ASTN2: variants seen among roughly 807,000 people sequenced by gnomAD.
ASTN2 encodes astrotactin-2.
ASTN2 carries 54 observed loss-of-function variants against 139.8 expected under a neutral mutation model. The observed-to-expected ratio is 0.39, with a 90% CI of 0.31 to 0.48. The LOEUF (loss-of-function observed/expected upper bound fraction) is 0.48, where lower values mean the gene tolerates loss of function less well. Ranked by LOEUF, ASTN2 falls within the 20% of genes least tolerant of loss-of-function variation. ASTN2 has a pLI of 0.95. For missense variants in ASTN2, 1,565 were observed against 1,725.1 expected, an observed-to-expected ratio of 0.91 and a Z score of 1.64; for synonymous variants, 756 against 719.5, an observed-to-expected ratio of 1.05 and a Z score of -0.81.
intron 7 of ASTN2, among the ~76,000 whole-genome samples, chr9:116,994,196 A>C (rs762965734): frequency 2.6e-5 from 4 of 152,312 alleles, no homozygotes; most frequent in Non-Finnish European, 5.9e-5. Context: ...TACAAGCCAT[A>C]GGGTTGTGAC....
intron 3 of ASTN2, among the ~76,000 whole-genome samples, chr9:117,206,629 A>C (rs554907985): frequency 6.6e-6 from 1 of 152,246 alleles, no homozygotes; most frequent in Middle Eastern, 3.4e-3. Flanking sequence ...TGAATGTCAC[A>C]AGCCCAGCTT....
chr9:117,386,397 T>C (rs909797375), intron 1 of ASTN2, among the ~76,000 whole-genome samples: 1 of 152,156 alleles, frequency 6.6e-6, no homozygotes, highest in East Asian at 1.9e-4. Context: ...CATGGATATG[T>C]ACCCATTCTG....
At chr9:116,491,335 A>T (rs1021785698) in intron 19 of ASTN2, among the ~76,000 whole-genome samples, 3 of 152,222 alleles carry the variant, frequency 2.0e-5, no homozygotes, top group Non-Finnish European at 4.4e-5. Context: ...TGCAGTTAAA[A>T]AGGAAGATAG....
At chr9:116,893,126 A>G (rs1253325402) in intron 10 of ASTN2, among the ~76,000 whole-genome samples, 2 of 151,654 alleles carry the variant, frequency 1.3e-5, no homozygotes, top group Non-Finnish European at 2.9e-5. Context: ...TGTTTTACTC[A>G]TTGAAGTGTT....
At chr9:116,665,918 G>C (rs932270300) in intron 16 of ASTN2, among the ~76,000 whole-genome samples, 11 of 152,140 alleles carry the variant, frequency 7.2e-5, no homozygotes, top group African/African-American at 2.7e-4. Context: ...GAGACTGCTA[G>C]GAGACAAACA....
chr9:116,963,536 A>T (rs759571852), intron 10 of ASTN2, among the ~76,000 whole-genome samples: 3 of 152,114 alleles, frequency 2.0e-5, no homozygotes, highest in Non-Finnish European at 4.4e-5. Context: ...CAGCGGTTGG[A>T]TTGGGGATGT....
At chr9:117,321,906 C>T (rs191541764) in intron 1 of ASTN2, among the ~76,000 whole-genome samples, 2 of 152,046 alleles carry the variant, frequency 1.3e-5, no homozygotes, top group Non-Finnish European at 2.9e-5. Context: ...GGTCAAATGT[C>T]CTTTAGGAGA....
At chr9:116,530,139 ATATATATATAT>A (rs1385873077) in intron 19 of ASTN2, among the ~76,000 whole-genome samples, 5 of 27,166 alleles carry the variant, frequency 1.8e-4, no homozygotes, top group East Asian at 6.3e-4. Context: ...ATATATATAT[ATATATATATAT>A]AAAATAGAAT....
intron 19 of ASTN2, among the ~76,000 whole-genome samples, chr9:116,567,808 C>T (rs1853311288): frequency 6.6e-6 from 1 of 152,084 alleles, no homozygotes; most frequent in Admixed American, 6.5e-5. Flanking sequence ...GTACTGCCTG[C>T]CAGGCTGTAT....
chr9:116,994,783 T>C (rs765507108), intron 7 of ASTN2, among the ~76,000 whole-genome samples: 1 of 152,188 alleles, frequency 6.6e-6, no homozygotes, highest in Non-Finnish European at 1.5e-5. Flanking sequence ...AGAGGAAGCC[T>C]TCCCTGATTG....
At position 117,214,463 on chromosome 9, in the gene ASTN2, G is replaced by T. The variant is rs554132287; in HGVS notation, c.910C>A (p.Arg304=). 4 of 1,614,156 alleles carry T rather than the reference G, an allele frequency of 2.5e-6. No individual in the cohort carries two copies. Among genetic ancestry groups the T allele is most frequent in the Admixed American group, 3.3e-5 (2 of 60,026 alleles). Reference sequence around the variant, plus strand: ...TCCTCGCGGGAGACATGGTTGGCCCGCCTAGGTGGCTCCTCATCCTCCTCA... The same window carrying T: ...TCCTCGCGGGAGACATGGTTGGCCCTCCTAGGTGGCTCCTCATCCTCCTCA... ...DCEEDEEPPR[R]ANHVSREDEF... is the part of the protein sequence containing the mutation. Residue 304 remains arginine (R), a synonymous_variant, in exon 3 of 23, where the codon CGG becomes AGG. Transcript: ENST00000313400.
At chr9:116,687,921 T>G (rs1827340812) in intron 16 of ASTN2, among the ~76,000 whole-genome samples, 1 of 147,760 alleles carries the variant, frequency 6.8e-6, no homozygotes, top group Admixed American at 6.8e-5. Context: ...ATTGAGGGGG[T>G]GGGGTGAGTT....
At chr9:117,336,248 A>G (rs1311069071) in intron 1 of ASTN2, among the ~76,000 whole-genome samples, 7 of 152,152 alleles carry the variant, frequency 4.6e-5, no homozygotes, top group African/African-American at 1.4e-4. Flanking sequence ...AAGAGACTGT[A>G]TGGGGAATAA....
At chr9:117,273,053 G>A (rs1834102789) in intron 2 of ASTN2, among the ~76,000 whole-genome samples, 2 of 152,184 alleles carry the variant, frequency 1.3e-5, no homozygotes, top group Admixed American at 1.3e-4. Flanking sequence ...ACATACCTGA[G>A]GCTGGGAAGA....
chr9:116,888,425 C>T (rs902583494), intron 10 of ASTN2, among the ~76,000 whole-genome samples: 3 of 151,252 alleles, frequency 2.0e-5, no homozygotes, highest in Non-Finnish European at 4.4e-5. Flanking sequence ...AATAAATATT[C>T]TCATTTGATA....
intron 2 of ASTN2, among the ~76,000 whole-genome samples, chr9:117,265,863 G>A (rs918390298): frequency 6.6e-6 from 1 of 150,976 alleles, no homozygotes; most frequent in African/African-American, 2.4e-5. Context: ...TGGGATTATC[G>A]AATACCCTTA....
At chr9:117,056,797 T>C (rs1450724887) in intron 5 of ASTN2, among the ~76,000 whole-genome samples, 1 of 152,192 alleles carries the variant, frequency 6.6e-6, no homozygotes, top group African/African-American at 2.4e-5. Flanking sequence ...CAATAATTTC[T>C]TAACACTGTG....
intron 5 of ASTN2, among the ~76,000 whole-genome samples, chr9:117,055,028 G>C: frequency 6.6e-6 from 1 of 152,204 alleles, no homozygotes; most frequent in Non-Finnish European, 1.5e-5. Flanking sequence ...AAGAGGCGGA[G>C]CTTAGGCTGT....
chr9:116,576,212 C>A (rs1248855185), intron 19 of ASTN2, among the ~76,000 whole-genome samples: 1 of 152,098 alleles, frequency 6.6e-6, no homozygotes, highest in African/African-American at 2.4e-5. Flanking sequence ...ACTGATCAGT[C>A]CCCTAAGAAG....
Sources: gnomAD v4.1 joint callset for allele counts (sites outside exome capture counted in the v4.1 genomes callset) on GRCh38, gnomAD v4.1.1 for gene constraint, MANE v1.5 for transcripts, NCBI Gene and HGNC (gene_info 2026-07-23, HGNC 2026-07-21) for gene names.